CLNK: variants seen among roughly 807,000 people sequenced by gnomAD.
CLNK encodes the protein cytokine-dependent hematopoietic cell linker.
Under a neutral mutation model 68.6 loss-of-function variants are expected in CLNK, and 74 were observed. The ratio of observed to expected loss-of-function variants is 1.08; its 90% confidence interval spans 0.89 to 1.31. The LOEUF (loss-of-function observed/expected upper bound fraction) is 1.31, where lower values mean the gene tolerates loss of function less well. CLNK is among the 50% of genes most tolerant of loss of function. The probability of loss-of-function intolerance (pLI) is 0.00; values close to 1 mark genes in which losing one functional copy is unlikely to be tolerated. For missense variants in CLNK, 553 were observed against 515.3 expected (o/e 1.07, Z -0.71); for synonymous variants, 198 against 172.2 (o/e 1.15, Z -1.17).
intron 2 of CLNK, among the ~76,000 whole-genome samples, chr4:10,639,785 A>G (rs1350459499): frequency 6.6e-6 from 1 of 152,230 alleles, no homozygotes; most frequent in Non-Finnish European, 1.5e-5. Flanking sequence ...GAACATTTCC[A>G]TCATCACAGA....
chr4:10,574,112 T>A (rs1720458840), intron 4 of CLNK, among the ~76,000 whole-genome samples: 1 of 152,338 alleles, frequency 6.6e-6, no homozygotes, highest in Non-Finnish European at 1.5e-5. Context: ...GTGTCATCAG[T>A]GCAGAGTTTT....
chr4:10,616,155 C>T lies in CLNK; in HGVS notation c.12-18106G>A, dbSNP rs1356173607. Among the ~76,000 whole-genome samples the T allele has an allele frequency of 5.3e-5, 8 of 152,324 alleles. 1 individual carries two copies. Among genetic ancestry groups the T allele is most frequent in the African/African-American group, 1.9e-4 (8 of 41,568 alleles). On this transcript the variant is annotated intron_variant, in intron 2 of 18. Transcript: ENST00000226951. ...TTACCTATGGTCTTGATGTTATCTA[C>T]ATCTATTTTATCTGAATGGTGGAAA...
chr4:10,713,056 C>T, the CLNK span, among the ~76,000 whole-genome samples: 1 of 152,178 alleles, frequency 6.6e-6, no homozygotes, highest in Non-Finnish European at 1.5e-5. Context: ...TTTAGAGACG[C>T]CTTCCAACCT....
intron 3 of CLNK, among the ~76,000 whole-genome samples, chr4:10,592,295 C>T (rs1268318926): frequency 6.6e-6 from 1 of 151,840 alleles, no homozygotes; most frequent in Non-Finnish European, 1.5e-5. Context: ...GCTCCCAATA[C>T]ATATTAAAAA....
chr4:10,634,362 T>C (rs920111034), intron 2 of CLNK, among the ~76,000 whole-genome samples: 3 of 152,244 alleles, frequency 2.0e-5, no homozygotes, highest in Non-Finnish European at 2.9e-5. Context: ...GAGACCCCAC[T>C]GTTTCCCAGC....
In CLNK at chr4:10,497,763, G is replaced by C. The variant is rs182762162; in HGVS notation, c.1140+3493C>G. On this transcript the variant is annotated intron_variant, in intron 18 of 18. Coordinates refer to ENST00000226951, the MANE Select transcript of CLNK (RefSeq NM_052964.4). Reference sequence around the variant, plus strand: ...TGTTCATTAATATGTCCTTTCCAGAGCTTTTTCAAGAACTCCATGTGAGAG... The same window carrying C: ...TGTTCATTAATATGTCCTTTCCAGACCTTTTTCAAGAACTCCATGTGAGAG... Among the ~76,000 whole-genome samples the C allele has an allele frequency of 2.0e-3, 299 of 152,302 alleles. 2 individuals carry two copies. The highest frequency in any genetic ancestry group is 0.011 in the South Asian group (54 of 4,830).
intron 8 of CLNK, among the ~76,000 whole-genome samples, chr4:10,557,333 A>G (rs1454139629): frequency 2.0e-5 from 3 of 152,036 alleles, no homozygotes; most frequent in Non-Finnish European, 4.4e-5. Flanking sequence ...GGACTGCCCT[A>G]TCCTCTCATT....
intron 16 of CLNK, among the ~76,000 whole-genome samples, chr4:10,508,874 C>T (rs1205075127): frequency 5.9e-5 from 9 of 152,002 alleles, no homozygotes; most frequent in Non-Finnish European, 1.5e-5. Context: ...TTTGGGAGGC[C>T]AAGGCGGGCG....
chr4:10,668,757 G>A (rs1176678047), intron 1 of CLNK, among the ~76,000 whole-genome samples: 1 of 152,162 alleles, frequency 6.6e-6, no homozygotes, highest in Non-Finnish European at 1.5e-5. Context: ...AGGAGCTGTG[G>A]CTTTCAGTTG....
intron 8 of CLNK, among the ~76,000 whole-genome samples, chr4:10,547,261 C>T (rs16869762): frequency 0.019 from 2,949 of 152,134 alleles, 88 homozygotes; most frequent in African/African-American, 0.055. Context: ...TGTACAATGG[C>T]GCAAAAACTT....
At chr4:10,503,770 G>T (rs1392555014) in intron 17 of CLNK, among the ~76,000 whole-genome samples, 1 of 126,450 alleles carries the variant, frequency 7.9e-6, no homozygotes, top group African/African-American at 2.9e-5. Context: ...TTCATTTAGA[G>T]ACTTTTTTTT....
chr4:10,538,892 G>C (rs1438294810), intron 11 of CLNK, among the ~76,000 whole-genome samples: 1 of 152,112 alleles, frequency 6.6e-6, no homozygotes, highest in Admixed American at 6.6e-5. Flanking sequence ...AAAATAGGTT[G>C]GTTAAAAATA....
chr4:10,621,698 G>A (rs1389763706), intron 2 of CLNK, among the ~76,000 whole-genome samples: 2 of 152,226 alleles, frequency 1.3e-5, no homozygotes, highest in African/African-American at 2.4e-5. Flanking sequence ...AGAAAAGGAT[G>A]ATGCGTGTGC....
intron 2 of CLNK, among the ~76,000 whole-genome samples, chr4:10,629,834 C>T (rs1722816089): frequency 6.6e-6 from 1 of 152,186 alleles, no homozygotes; most frequent in Non-Finnish European, 1.5e-5. Flanking sequence ...CTTTTATAAA[C>T]AGCCACAGTC....
chr4:10,616,139 G>A (rs1225633254), intron 2 of CLNK, among the ~76,000 whole-genome samples: 1 of 152,110 alleles, frequency 6.6e-6, no homozygotes, highest in African/African-American at 2.4e-5. Context: ...ATTACCTATG[G>A]TCTTGATGTT....
At chr4:10,719,407 G>A in the CLNK span, among the ~76,000 whole-genome samples, 3 of 151,944 alleles carry the variant, frequency 2.0e-5, no homozygotes, top group African/African-American at 7.2e-5. Flanking sequence ...AAAAGAAAGA[G>A]TGACTGTATT....
In CLNK at chr4:10,669,024, G is replaced by A. The variant is rs187624710; in HGVS notation, c.-42-1113C>T. 7.2e-5 allele frequency among the ~76,000 whole-genome samples: 11 copies of A among 152,152 alleles called. No individual in the cohort carries two copies. In the South Asian group the frequency reaches 1.0e-3, roughly 14 times the overall value. ...TTATGTGACCGAGAACACCCATCCC[G>A]CAATAAGAGCTGAGGTCCAGAGGAC... On this transcript the variant is annotated intron_variant, in intron 1 of 18. Coordinates refer to ENST00000226951, the MANE Select transcript of CLNK (RefSeq NM_052964.4).
At chr4:10,577,992 A>C (rs1341711327) in intron 4 of CLNK, among the ~76,000 whole-genome samples, 2 of 152,180 alleles carry the variant, frequency 1.3e-5, no homozygotes, top group Non-Finnish European at 2.9e-5. Context: ...CTCTTGAGCC[A>C]TGTGACCTCA....
the CLNK span, among the ~76,000 whole-genome samples, chr4:10,705,340 T>A: frequency 6.6e-6 from 1 of 152,260 alleles, no homozygotes; most frequent in African/African-American, 2.4e-5. Flanking sequence ...ATTATTTTTT[T>A]GCTGCTATAA....
Sources: gnomAD v4.1 joint callset for allele counts (sites outside exome capture counted in the v4.1 genomes callset) on GRCh38, gnomAD v4.1.1 for gene constraint, MANE v1.5 for transcripts, NCBI Gene and HGNC (gene_info 2026-07-23, HGNC 2026-07-21) for gene names.